AGBL4: variants seen among roughly 807,000 people sequenced by gnomAD.
AGBL4 encodes cytosolic carboxypeptidase 6.
AGBL4 carries 58 observed loss-of-function variants against 66.4 expected under a neutral mutation model. The ratio of observed to expected loss-of-function variants is 0.87; its 90% CI spans 0.71 to 1.09. The LOEUF is 1.09. Among genes scored for constraint, AGBL4 ranks in the 50% least tolerant of loss-of-function variants. The probability of loss-of-function intolerance (pLI) is 0.00; values close to 1 mark genes in which losing one functional copy is unlikely to be tolerated. For missense variants in AGBL4, 579 were observed against 631.0 expected, an observed-to-expected ratio of 0.92 and a Z score of 0.88; for synonymous variants, 234 against 222.9, an observed-to-expected ratio of 1.05 and a Z score of -0.44.
intron 6 of AGBL4, among the ~76,000 whole-genome samples, chr1:48,767,028 G>A (rs1644565078): frequency 6.6e-6 from 1 of 152,158 alleles, no homozygotes; most frequent in Admixed American, 6.5e-5. Context: ...ATCCTGAGTT[G>A]AAGGTATAGA....
At chr1:49,277,070 A>G (rs950714308) in intron 3 of AGBL4, among the ~76,000 whole-genome samples, 13 of 152,194 alleles carry the variant, frequency 8.5e-5, no homozygotes, top group African/African-American at 3.1e-4. Context: ...AAGGGAAAGA[A>G]AATAAGAGAA....
chr1:48,911,873 A>G (rs951121456), intron 5 of AGBL4, among the ~76,000 whole-genome samples: 1 of 152,182 alleles, frequency 6.6e-6, no homozygotes, highest in Non-Finnish European at 1.5e-5. Flanking sequence ...AGGGTTCTAC[A>G]GCATATTGGA....
At chr1:49,668,085 T>G (rs1646404310) in intron 3 of AGBL4, among the ~76,000 whole-genome samples, 1 of 152,208 alleles carries the variant, frequency 6.6e-6, no homozygotes. Flanking sequence ...TCTATTAGTT[T>G]ATACAGCTGA....
At chr1:48,858,296 G>A (rs1446125367) in intron 6 of AGBL4, among the ~76,000 whole-genome samples, 1 of 152,168 alleles carries the variant, frequency 6.6e-6, no homozygotes, top group Non-Finnish European at 1.5e-5. Flanking sequence ...TTATTGTAAA[G>A]TTTACCATAT....
intron 6 of AGBL4, among the ~76,000 whole-genome samples, chr1:48,673,748 C>T (rs1197550375): frequency 6.6e-6 from 1 of 152,188 alleles, no homozygotes; most frequent in Admixed American, 6.5e-5. Flanking sequence ...CCAAGGAAGG[C>T]AAGGAAGGGT....
intron 1 of AGBL4, among the ~76,000 whole-genome samples, chr1:49,925,930 C>A (rs1349811891): frequency 6.6e-6 from 1 of 152,206 alleles, no homozygotes; most frequent in South Asian, 2.1e-4. Flanking sequence ...ATCTTTGGAT[C>A]CACCTGGAGC....
intron 1 of AGBL4, among the ~76,000 whole-genome samples, chr1:49,920,534 C>G (rs1475614574): frequency 1.3e-5 from 2 of 152,254 alleles, no homozygotes; most frequent in South Asian, 4.1e-4. Flanking sequence ...ATCAAAACCA[C>G]AGTGAGATAC....
At chr1:49,543,955 A>T (rs903450632) in intron 3 of AGBL4, among the ~76,000 whole-genome samples, 1 of 152,216 alleles carries the variant, frequency 6.6e-6, no homozygotes, top group African/African-American at 2.4e-5. Flanking sequence ...AACATTGGTG[A>T]AACCCCCTCA....
chr1:48,541,152 G>T (rs1211310992), intron 11 of AGBL4, among the ~76,000 whole-genome samples: 1 of 152,118 alleles, frequency 6.6e-6, no homozygotes, highest in Non-Finnish European at 1.5e-5. Context: ...CATCTTTCTA[G>T]ATCACTCTTC....
At chr1:49,144,061 A>C (rs1236470533) in intron 4 of AGBL4, among the ~76,000 whole-genome samples, 2 of 152,190 alleles carry the variant, frequency 1.3e-5, no homozygotes, top group Non-Finnish European at 2.9e-5. Flanking sequence ...CCTATCTGTA[A>C]GGTATGGATT....
At chr1:49,891,199 T>C (rs541517736) in intron 1 of AGBL4, among the ~76,000 whole-genome samples, 7 of 152,206 alleles carry the variant, frequency 4.6e-5, no homozygotes, top group Admixed American at 4.6e-4. Context: ...CAGAAAGAAC[T>C]AAAAGAAATT....
chr1:49,091,375 A>G (rs1351870105), intron 4 of AGBL4, among the ~76,000 whole-genome samples: 1 of 152,156 alleles, frequency 6.6e-6, no homozygotes, highest in African/African-American at 2.4e-5. Context: ...GCTTAAACAT[A>G]TTAACAAACA....
chr1:49,739,555 C>T (rs532670566), intron 2 of AGBL4, among the ~76,000 whole-genome samples: 57 of 152,184 alleles, frequency 3.7e-4, no homozygotes, highest in South Asian at 6.2e-4. Context: ...ATACTGAGAA[C>T]GCCACAAAGA....
chr1:49,492,213 T>C (rs762609036), intron 3 of AGBL4, among the ~76,000 whole-genome samples: 3 of 151,858 alleles, frequency 2.0e-5, no homozygotes, highest in Non-Finnish European at 4.4e-5. Flanking sequence ...CTTTGGGTGA[T>C]CCTGGATCAT....
chr1:49,915,395 G>A (rs1651320595), intron 1 of AGBL4, among the ~76,000 whole-genome samples: 1 of 152,186 alleles, frequency 6.6e-6, no homozygotes, highest in Non-Finnish European at 1.5e-5. Flanking sequence ...CTAATACTGT[G>A]CTTTTCCAAT....
At chr1:48,524,783 T>C in the AGBL4 span, among the ~76,000 whole-genome samples, 2 of 151,986 alleles carry the variant, frequency 1.3e-5, no homozygotes, top group East Asian at 1.9e-4. Context: ...CACACACACA[T>C]ACATTCAAAT....
At chr1:49,482,831 C>G (rs1416817265) in intron 3 of AGBL4, among the ~76,000 whole-genome samples, 2 of 152,030 alleles carry the variant, frequency 1.3e-5, no homozygotes, top group Non-Finnish European at 2.9e-5. Context: ...TCTTTGTTCT[C>G]ATTATTTTCA....
intron 2 of AGBL4, among the ~76,000 whole-genome samples, chr1:49,741,390 G>A (rs933772655): frequency 1.3e-5 from 2 of 152,156 alleles, no homozygotes; most frequent in African/African-American, 4.8e-5. Context: ...AACAGGCTCT[G>A]AAATTGAGGC....
At chr1:48,947,015 C>T (rs1391224626) in intron 5 of AGBL4, among the ~76,000 whole-genome samples, 1 of 152,210 alleles carries the variant, frequency 6.6e-6, no homozygotes, top group African/African-American at 2.4e-5. Context: ...TGTCACTGGC[C>T]TTCTTTTCAA....
Sources: allele counts gnomAD v4.1 joint callset (sites outside exome capture counted in the v4.1 genomes callset), GRCh38; gene constraint gnomAD v4.1.1; transcripts MANE v1.5; gene names NCBI Gene and HGNC (gene_info 2026-07-23, HGNC 2026-07-21).